PTPRR: variants seen among roughly 807,000 people sequenced by gnomAD.
PTPRR encodes the protein protein tyrosine phosphatase receptor type R.
A neutral mutation model predicts 77.2 loss-of-function variants in PTPRR; 38 were observed. The ratio of observed to expected loss-of-function variants is 0.49; its 90% CI spans 0.38 to 0.65. PTPRR has a LOEUF of 0.65. PTPRR is among the 30% of genes least tolerant of loss of function. PTPRR has a pLI of 0.00. For missense variants in PTPRR, 744 were observed against 799.2 expected (o/e 0.93, Z 0.83); for synonymous variants, 299 against 283.1 (o/e 1.06, Z -0.57).
intron 2 of PTPRR, among the ~76,000 whole-genome samples, chr12:70,811,053 C>A (rs1010933441): frequency 5.3e-5 from 8 of 151,666 alleles, no homozygotes; most frequent in Admixed American, 3.3e-4. Flanking sequence ...CAGTGAGGAC[C>A]GTAGGATGTA....
In PTPRR at chr12:70,891,840, A is replaced by C. The variant is rs1056112830; in HGVS notation, c.357+839T>G. Reference sequence around the variant, plus strand: ...GCATAGAGGAGTTGCCAAAATGCAAACATGGTTTCATTGAATTATCTTGGC... The same window carrying C: ...GCATAGAGGAGTTGCCAAAATGCAACCATGGTTTCATTGAATTATCTTGGC... On this transcript the variant is annotated intron_variant, in intron 2 of 13. Coordinates refer to ENST00000283228, the MANE Select transcript of PTPRR (RefSeq NM_002849.4). Among the ~76,000 whole-genome samples, 126 of 152,246 alleles carry C rather than the reference A, an allele frequency of 8.3e-4. 2 individuals carry two copies. The highest frequency in any genetic ancestry group is 1.2e-4 in the Non-Finnish European group (8 of 67,990).
In PTPRR at chr12:70,729,427, A is replaced by G. The variant is rs551905548; in HGVS notation, c.1007+16391T>C. On this transcript the variant is annotated intron_variant, in intron 6 of 13. Coordinates refer to ENST00000283228, the MANE Select transcript of PTPRR (RefSeq NM_002849.4). ...TGAAGCTGAATTTGGATTGGACTCT[A>G]GAATATTTTCCATCTGGAAAGTCTG... Among the ~76,000 whole-genome samples the G allele has an allele frequency of 1.4e-4, 22 of 152,282 alleles. No homozygotes were observed. In the South Asian group the frequency reaches 4.2e-3, roughly 29 times the overall value.
At chr12:70,919,360 C>G (rs1313440754) in intron 1 of PTPRR, among the ~76,000 whole-genome samples, 1 of 152,186 alleles carries the variant, frequency 6.6e-6, no homozygotes, top group Non-Finnish European at 1.5e-5. Context: ...ACTGCTGTCA[C>G]AGTAGGGTTT....
chr12:70,864,994 T>C (rs1441033333), intron 2 of PTPRR, among the ~76,000 whole-genome samples: 1 of 152,136 alleles, frequency 6.6e-6, no homozygotes, highest in Non-Finnish European at 1.5e-5. Flanking sequence ...TTTGTATTTT[T>C]AGTACAGACG....
chr12:70,773,506 T>G (rs1324360363), intron 2 of PTPRR, among the ~76,000 whole-genome samples: 2 of 152,128 alleles, frequency 1.3e-5, no homozygotes, highest in African/African-American at 4.8e-5. Context: ...GAGAGCTGTT[T>G]GGGAGGCTGG....
chr12:70,871,311 A>G (rs559264164), intron 2 of PTPRR, among the ~76,000 whole-genome samples: 18 of 152,324 alleles, frequency 1.2e-4, no homozygotes, highest in African/African-American at 3.8e-4. Context: ...GTTTGTCTTC[A>G]GAGCTGCTCA....
rs554427286 is a variant in PTPRR at position 70,745,515 on chromosome 12, C to G, written c.1007+303G>C. On this transcript the variant is annotated intron_variant, in intron 6 of 13. Transcript: ENST00000283228. ...GTTTCATGACAATTAAACAAGATAG[C>G]ATCTTGTGAGGTCAGTGAACCTCAA... 2.0e-5 allele frequency among the ~76,000 whole-genome samples: 3 copies of G among 152,306 alleles called. No individual in the cohort carries two copies. In the South Asian group the frequency reaches 6.2e-4, roughly 32 times the overall value.
At chr12:70,802,110 T>A (rs368401098) in intron 2 of PTPRR, among the ~76,000 whole-genome samples, 4 of 152,188 alleles carry the variant, frequency 2.6e-5, no homozygotes, top group African/African-American at 9.6e-5. Context: ...CCCTCTACTT[T>A]AGCTCCTTTT....
At chr12:70,898,403 A>G (rs1468443621) in intron 1 of PTPRR, among the ~76,000 whole-genome samples, 1 of 150,310 alleles carries the variant, frequency 6.7e-6, no homozygotes, top group East Asian at 1.9e-4. Context: ...TCTTATTTAT[A>G]TTGTTTTTCT....
intron 8 of PTPRR, among the ~76,000 whole-genome samples, chr12:70,685,473 C>CAAAAAAAAAAAAAAAAAAAA (rs61205959): frequency 1.6e-5 from 1 of 60,978 alleles, no homozygotes; most frequent in Non-Finnish European, 2.9e-5. Flanking sequence ...GACTTCATCT[C>CAAAAAAAAAAAAAAAAAAAA]AAAAAAAAAA....
chr12:70,653,182 A>T (rs974400640), intron 13 of PTPRR, among the ~76,000 whole-genome samples: 4 of 152,114 alleles, frequency 2.6e-5, no homozygotes, highest in African/African-American at 9.7e-5. Flanking sequence ...ACAAATCAGG[A>T]CAGATGAAAG....
intron 2 of PTPRR, among the ~76,000 whole-genome samples, chr12:70,796,534 C>T (rs142282387): frequency 3.5e-4 from 53 of 152,264 alleles, no homozygotes; most frequent in Non-Finnish European, 5.3e-4. Context: ...AGGAAAATTA[C>T]ATGCTTCTCA....
intron 6 of PTPRR, among the ~76,000 whole-genome samples, chr12:70,739,930 T>C (rs1889991797): frequency 6.6e-6 from 1 of 152,046 alleles, no homozygotes; most frequent in Admixed American, 6.6e-5. Flanking sequence ...AAGGTTTATT[T>C]TAGGATGTAG....
intron 6 of PTPRR, among the ~76,000 whole-genome samples, chr12:70,730,921 GGA>G (rs752083558): frequency 2.7e-5 from 4 of 148,618 alleles, no homozygotes; most frequent in African/African-American, 7.5e-5. Flanking sequence ...AGAGAATGAA[GGA>G]GAGAGAGAGA....
At chr12:70,871,661 G>A (rs1892960867) in intron 2 of PTPRR, among the ~76,000 whole-genome samples, 1 of 152,126 alleles carries the variant, frequency 6.6e-6, no homozygotes, top group Non-Finnish European at 1.5e-5. Context: ...TAAACATCAA[G>A]TTCTACAATG....
At chr12:70,758,237 C>T (rs1890607176) in intron 4 of PTPRR, among the ~76,000 whole-genome samples, 1 of 152,176 alleles carries the variant, frequency 6.6e-6, no homozygotes, top group Non-Finnish European at 1.5e-5. Flanking sequence ...TCACATTTAT[C>T]ATCAAAACAC....
intron 13 of PTPRR, among the ~76,000 whole-genome samples, chr12:70,645,310 G>A (rs1314976796): frequency 1.3e-5 from 2 of 152,180 alleles, no homozygotes; most frequent in Non-Finnish European, 2.9e-5. Flanking sequence ...TATCTAATAA[G>A]GCTTCAAGTT....
chr12:70,844,447 T>C (rs73332116), intron 2 of PTPRR, among the ~76,000 whole-genome samples: 6,789 of 152,186 alleles, frequency 0.045, 498 homozygotes, highest in African/African-American at 0.15. Flanking sequence ...TCATATCACA[T>C]AAGAAGGTTT....
intron 10 of PTPRR, among the ~76,000 whole-genome samples, chr12:70,682,169 G>T (rs943433839): frequency 6.8e-6 from 1 of 146,658 alleles, no homozygotes; most frequent in African/African-American, 2.5e-5. Context: ...TCAGCCTCCC[G>T]AGTAGCTGGG....
Sources: allele counts gnomAD v4.1 joint callset (sites outside exome capture counted in the v4.1 genomes callset), GRCh38; gene constraint gnomAD v4.1.1; transcripts MANE v1.5; gene names NCBI Gene and HGNC (gene_info 2026-07-23, HGNC 2026-07-21).